Variants in PPP1R12B observed in about 807,000 individuals in gnomAD.
The protein encoded by PPP1R12B is protein phosphatase 1 regulatory subunit 12B.
A neutral mutation model predicts 126.1 loss-of-function variants in PPP1R12B; 76 were observed. The observed-to-expected ratio is 0.60, with a 90% confidence interval of 0.50 to 0.73. The LOEUF (loss-of-function observed/expected upper bound fraction) is 0.73. PPP1R12B is among the 30% of genes least tolerant of loss of function. The pLI, the probability that PPP1R12B is intolerant of heterozygous loss-of-function variation, is 0.00. For missense variants in PPP1R12B, 1,052 were observed against 1,205.1 expected, an observed-to-expected ratio of 0.87 and a Z score of 1.88; for synonymous variants, 356 against 434.7, an observed-to-expected ratio of 0.82 and a Z score of 2.25.
At chr1:202,501,976 A>T in intron 18 of PPP1R12B, 1 of 985,800 alleles carries the variant, frequency 1.0e-6, no homozygotes, top group Non-Finnish European at 1.2e-6. Flanking sequence ...TGGGTAGAGC[A>T]TCAGCATTCT....
intron 1 of PPP1R12B, among the ~76,000 whole-genome samples, chr1:202,354,851 AG>A (rs1447327381): frequency 1.7e-5 from 2 of 120,944 alleles, no homozygotes; most frequent in East Asian, 5.0e-4. Context: ...TTTGAGACGG[AG>A]TCTTGCTCCG....
chr1:202,370,220 A>G (rs1263917130), intron 1 of PPP1R12B: 1 of 174,580 alleles, frequency 5.7e-6, no homozygotes, highest in Non-Finnish European at 1.2e-5. Flanking sequence ...TTTCAGTTTT[A>G]GCTGTTTTAA....
intron 1 of PPP1R12B, among the ~76,000 whole-genome samples, chr1:202,372,024 A>G (rs1660372127): frequency 6.6e-6 from 1 of 151,754 alleles, no homozygotes; most frequent in South Asian, 2.1e-4. Flanking sequence ...GGCACGTGCC[A>G]CCACATCTGG....
intron 18 of PPP1R12B, among the ~76,000 whole-genome samples, chr1:202,521,197 C>T (rs1217584624): frequency 1.3e-5 from 2 of 152,178 alleles, no homozygotes; most frequent in Non-Finnish European, 2.9e-5. Flanking sequence ...AGACCCAGAG[C>T]TACCAACTTA....
chr1:202,470,522 C>T (rs1340143593), intron 13 of PPP1R12B, among the ~76,000 whole-genome samples: 6 of 152,172 alleles, frequency 3.9e-5, no homozygotes. Flanking sequence ...CCCGTATTCT[C>T]ACCATCAGCA....
At chr1:202,475,332 G>A (rs1240076171) in intron 13 of PPP1R12B, among the ~76,000 whole-genome samples, 1 of 152,170 alleles carries the variant, frequency 6.6e-6, no homozygotes, top group African/African-American at 2.4e-5. Flanking sequence ...CTTATAGCAT[G>A]TTGACGGAAA....
At chr1:202,451,662 G>A (rs1672947693) in intron 13 of PPP1R12B, among the ~76,000 whole-genome samples, 1 of 152,096 alleles carries the variant, frequency 6.6e-6, no homozygotes, top group African/African-American at 2.4e-5. Context: ...TGTCATCATG[G>A]CCCGTTCTCA....
rs531435110 is a variant in PPP1R12B, at chr1:202,384,165, G to A, written c.292-32622G>A. Among the ~76,000 whole-genome samples, 11 of 152,268 alleles carry A rather than the reference G, an allele frequency of 7.2e-5. No individual in the cohort carries two copies. The South Asian group carries it at 2.3e-3, about 32-fold the overall frequency. ...CAGTTCTTCAAAATGTTAAGCATAAGAATTAACATTTGACCCATGAGTTCT... is the reference window on the plus strand; with the variant it reads ...CAGTTCTTCAAAATGTTAAGCATAAAAATTAACATTTGACCCATGAGTTCT... On this transcript the variant is annotated intron_variant, in intron 1 of 23. Coordinates refer to ENST00000608999, the MANE Select transcript of PPP1R12B (RefSeq NM_002481.4).
chr1:202,409,756 TG>T (rs1321126248), intron 1 of PPP1R12B, among the ~76,000 whole-genome samples: 4 of 152,180 alleles, frequency 2.6e-5, no homozygotes, highest in African/African-American at 7.2e-5. Flanking sequence ...CTTGATCACC[TG>T]GGCTCAAGCG....
chr1:202,580,560 G>A lies in PPP1R12B; in HGVS notation c.2949G>A (p.Ter983=). The change falls in exon 24 of 24, where the codon TAG becomes TAA. Residue 983 remains the stop codon, a stop_retained_variant. Coordinates refer to ENST00000608999, the MANE Select transcript of PPP1R12B (RefSeq NM_002481.4). The part of the protein sequence containing the change: ...LIRVISKLSK[*] ...GAGTCATCAGCAAACTGTCCAAGTAGGCTAGGCTCCAGATTTATGAGGAAA... is the reference window on the plus strand; with the variant it reads ...GAGTCATCAGCAAACTGTCCAAGTAAGCTAGGCTCCAGATTTATGAGGAAA... 6.2e-7 allele frequency: 1 copy of A among 1,610,512 alleles called. No homozygotes were observed. Among genetic ancestry groups the A allele is most frequent in the Non-Finnish European group, 8.5e-7 (1 of 1,176,710 alleles).
chr1:202,470,326 A>G (rs112358058), intron 13 of PPP1R12B, among the ~76,000 whole-genome samples: 1 of 152,198 alleles, frequency 6.6e-6, no homozygotes, highest in Non-Finnish European at 1.5e-5. Context: ...CTATATCACT[A>G]TGAACTATGG....
intron 14 of PPP1R12B, among the ~76,000 whole-genome samples, chr1:202,489,425 G>A (rs1283550426): frequency 2.6e-5 from 4 of 152,158 alleles, no homozygotes; most frequent in Non-Finnish European, 5.9e-5. Context: ...GTTTGTAATA[G>A]TATTATTCAT....
rs867045839 is a variant in PPP1R12B, at chr1:202,441,766, C to T, written c.1542-681C>T. On this transcript the variant is annotated intron_variant, in intron 11 of 23. Transcript: ENST00000608999. ...CCCCTTCTGTAGTAACTTTTTTTCTCGGTAACAGACTTCTTCATCTTCCCC... is the reference window on the plus strand; with the variant it reads ...CCCCTTCTGTAGTAACTTTTTTTCTTGGTAACAGACTTCTTCATCTTCCCC... Among the ~76,000 whole-genome samples, 104 of 152,082 alleles carry T rather than the reference C, an allele frequency of 6.8e-4. 2 individuals carry two copies. The highest frequency in any genetic ancestry group is 2.3e-3 in the African/African-American group (97 of 41,520).
Position 202,588,924 on chromosome 1 carries a change from A to T in PPP1R12B, c.*8364A>T, listed in dbSNP as rs1039759654. On this transcript the variant is annotated 3_prime_UTR_variant, in exon 24 of 24. Coordinates refer to ENST00000608999, the MANE Select transcript of PPP1R12B (RefSeq NM_002481.4). ...AAGAGTATATACGGTTATTTCTTGG[A>T]AGACACCAGGTTTAAGTGACAAAGG... is the stretch of plus-strand genomic sequence containing the variant. 1 of 152,136 alleles carries T rather than the reference A, an allele frequency of 6.6e-6. No individual in the cohort carries two copies. Among genetic ancestry groups the T allele is most frequent in the Non-Finnish European group, 1.5e-5 (1 of 68,024 alleles). 9.4% of individuals were successfully genotyped at this position (152,136 alleles called of 1,614,324 possible).
chr1:202,440,847 C>A, intron 11 of PPP1R12B, 59 bp downstream of exon 11: 1 of 1,387,674 alleles, frequency 7.2e-7, no homozygotes, highest in South Asian at 1.2e-5. Flanking sequence ...TGGACATAGT[C>A]ATCTCCTGGG....
chr1:202,349,027 G>A lies in PPP1R12B; in HGVS notation c.176G>A (p.Gly59Asp), dbSNP rs1655424406. The change falls in exon 1 of 24, where the codon GGT becomes GAT. Residue 59 changes from glycine (G) to aspartate (D), a missense_variant. Coordinates refer to ENST00000608999, the MANE Select transcript of PPP1R12B (RefSeq NM_002481.4). Reference protein sequence around the residue: ...RGSPRVRFEDGAVFLAACSSG... With the variant: ...RGSPRVRFEDDAVFLAACSSG... ...AGCCCCAGGGTCCGCTTCGAGGACG[G>A]TGCTGTCTTTCTGGCCGCCTGCTCT... 6.2e-7 allele frequency: 1 copy of A among 1,612,650 alleles called. No individual in the cohort carries two copies.
chr1:202,374,237 A>G (rs1660772033), intron 1 of PPP1R12B, among the ~76,000 whole-genome samples: 1 of 152,162 alleles, frequency 6.6e-6, no homozygotes, highest in Non-Finnish European at 1.5e-5. Flanking sequence ...CTATCTCAGT[A>G]AAGGGCACCT....
intron 1 of PPP1R12B, among the ~76,000 whole-genome samples, chr1:202,354,167 C>T (rs1009817978): frequency 3.3e-5 from 5 of 152,128 alleles, no homozygotes; most frequent in African/African-American, 1.2e-4. Context: ...AGTGTAGCAT[C>T]GTATGAGTTT....
rs1687229578 is a variant in PPP1R12B, at chr1:202,558,877, C to T, written c.2491C>T (p.His831Tyr). 6.4e-7 allele frequency: 1 copy of T among 1,566,054 alleles called. No homozygotes were observed. Among genetic ancestry groups the T allele is most frequent in the Non-Finnish European group, 8.7e-7 (1 of 1,143,898 alleles). ...DGSEEVKETW[H>Y]ERLSRLESGG... ...TTTTGTTTTTGTCTCCTTTCTCTAG[C>T]ATGAAAGACTTTCTAGGTAAGAACT... The change falls in exon 19 of 24, where the codon CAT becomes TAT. Residue 831 changes from histidine (H) to tyrosine (Y), a missense_variant and splice_region_variant. Coordinates refer to ENST00000608999, the MANE Select transcript of PPP1R12B (RefSeq NM_002481.4).
Sources: allele counts gnomAD v4.1 joint callset (sites outside exome capture counted in the v4.1 genomes callset), GRCh38; gene constraint gnomAD v4.1.1; transcripts MANE v1.5; gene names NCBI Gene and HGNC (gene_info 2026-07-23, HGNC 2026-07-21).